CRY1: variants seen among roughly 807,000 people sequenced by gnomAD.
The protein encoded by CRY1 is cryptochrome circadian regulator 1.
A neutral mutation model predicts 76.0 loss-of-function variants in CRY1; 45 were observed. The observed-to-expected ratio is 0.59, with a 90% CI of 0.47 to 0.76. The LOEUF (loss-of-function observed/expected upper bound fraction) is 0.76. Among genes scored for constraint, CRY1 ranks in the 30% least tolerant of loss-of-function variants. CRY1 has a pLI of 0.00. For synonymous variants in CRY1, 248 were observed against 244.0 expected, an observed-to-expected ratio of 1.02 and a Z score of -0.15; for missense variants, 587 against 716.4, an observed-to-expected ratio of 0.82 and a Z score of 2.06.
At chr12:107,070,764 G>A (rs1196150137) in intron 1 of CRY1, among the ~76,000 whole-genome samples, 2 of 150,846 alleles carry the variant, frequency 1.3e-5, no homozygotes, top group Non-Finnish European at 2.9e-5. Context: ...GTAGTGGCGC[G>A]ACCTTGGCTC....
At chr12:107,019,806 A>C (rs1032972220) in intron 2 of CRY1, among the ~76,000 whole-genome samples, 1 of 152,018 alleles carries the variant, frequency 6.6e-6, no homozygotes, top group Admixed American at 6.6e-5. Context: ...CTGCAGTCTT[A>C]GCTACTCGAT....
chr12:107,068,774 C>T (rs767346944), intron 1 of CRY1, among the ~76,000 whole-genome samples: 5 of 152,144 alleles, frequency 3.3e-5, no homozygotes, highest in Non-Finnish European at 1.5e-5. Context: ...CCCGAGCTAC[C>T]ACTAATTTGC....
At chr12:107,013,969 C>T (rs1952471562) in intron 2 of CRY1, among the ~76,000 whole-genome samples, 1 of 152,070 alleles carries the variant, frequency 6.6e-6, no homozygotes, top group Non-Finnish European at 1.5e-5. Flanking sequence ...TTGGATGGTA[C>T]TGCTCTAAGG....
intron 1 of CRY1, among the ~76,000 whole-genome samples, chr12:107,081,600 C>G (rs1431546857): frequency 7.2e-5 from 11 of 152,062 alleles, no homozygotes; most frequent in Admixed American, 7.2e-4. Flanking sequence ...ATCAATAATA[C>G]TGCCTATAAT....
chr12:107,014,455 C>T (rs773014239), intron 2 of CRY1, among the ~76,000 whole-genome samples: 30 of 152,136 alleles, frequency 2.0e-4, no homozygotes, highest in Non-Finnish European at 3.7e-4. Context: ...CCTGCTGTGA[C>T]ACAGTATCAC....
At position 107,079,479 on chromosome 12, in the gene CRY1, A is replaced by C. The variant is rs147880155; in HGVS notation, c.158+13325T>G. ...GTCCAAAGCCAGTTTCCCTTAGGTTATTCAATTACATCTACCAATAAACTT... is the reference window on the plus strand; with the variant it reads ...GTCCAAAGCCAGTTTCCCTTAGGTTCTTCAATTACATCTACCAATAAACTT... On this transcript the variant is annotated intron_variant, in intron 1 of 12. Transcript: ENST00000008527. Among the ~76,000 whole-genome samples, 302 of 152,256 alleles carry C rather than the reference A, an allele frequency of 2.0e-3. 1 individual carries two copies. Among genetic ancestry groups the C allele is most frequent in the African/African-American group, 6.6e-3 (276 of 41,562 alleles).
intron 1 of CRY1, among the ~76,000 whole-genome samples, chr12:107,036,838 T>G (rs935068185): frequency 3.9e-5 from 6 of 152,122 alleles, no homozygotes; most frequent in Non-Finnish European, 5.9e-5. Context: ...TCTCTTTCTT[T>G]AGGTCATTGC....
chr12:107,009,603 A>ATAT (rs1566245681), intron 2 of CRY1, among the ~76,000 whole-genome samples: 160 of 7,754 alleles, frequency 0.021, 2 homozygotes, highest in African/African-American at 0.043. Context: ...TATATATATA[A>ATAT]AATCTCTATA....
chr12:106,993,602 A>G (rs1188630380), intron 10 of CRY1, among the ~76,000 whole-genome samples: 2 of 152,018 alleles, frequency 1.3e-5, no homozygotes, highest in African/African-American at 2.4e-5. Context: ...CATTTCTGTC[A>G]GTGTGTCCAG....
chr12:107,045,077 C>A (rs1030203764), intron 1 of CRY1, among the ~76,000 whole-genome samples: 4 of 152,012 alleles, frequency 2.6e-5, no homozygotes, highest in African/African-American at 9.7e-5. Flanking sequence ...ACATTACAGT[C>A]AAATTGTCAA....
At chr12:107,024,087 T>A (rs530679378) in intron 1 of CRY1, among the ~76,000 whole-genome samples, 47 of 152,272 alleles carry the variant, frequency 3.1e-4, no homozygotes, top group African/African-American at 9.1e-4. Context: ...TTTTCTTAAA[T>A]TGAAACAGTA....
chr12:107,002,545 C>G (rs1952323915), intron 3 of CRY1, among the ~76,000 whole-genome samples: 1 of 152,152 alleles, frequency 6.6e-6, no homozygotes, highest in Admixed American at 6.5e-5. Flanking sequence ...CAGCTAAAAT[C>G]TACTTATTTG....
At chr12:107,073,243 CT>C (rs572589570) in intron 1 of CRY1, among the ~76,000 whole-genome samples, 12 of 147,946 alleles carry the variant, frequency 8.1e-5, no homozygotes, top group Admixed American at 1.4e-4. Flanking sequence ...CTCTCTCTCT[CT>C]TTTTTTTTTG....
At chr12:107,078,729 C>T (rs1953287678) in intron 1 of CRY1, among the ~76,000 whole-genome samples, 1 of 152,158 alleles carries the variant, frequency 6.6e-6, no homozygotes, top group Non-Finnish European at 1.5e-5. Flanking sequence ...TAAACTCACT[C>T]TTTTCCTCAC....
chr12:106,997,395 CA>C lies in CRY1; in HGVS notation c.1493-10del, dbSNP rs745603259. ...TACTGATGCCAGAAGACCTAAAGGA[CA>C]AAAAAATTTTCTTTTAAATTATGAT... On this transcript the variant is annotated splice_polypyrimidine_tract_variant and intron_variant, in intron 9 of 12. Transcript: ENST00000008527. The C allele has an allele frequency of 2.1e-5, 34 of 1,612,142 alleles. No individual in the cohort carries two copies. The East Asian group carries it at 7.4e-4, about 35-fold the overall frequency.
At chr12:107,045,888 A>T (rs1448681171) in intron 1 of CRY1, among the ~76,000 whole-genome samples, 1 of 152,136 alleles carries the variant, frequency 6.6e-6, no homozygotes, top group Non-Finnish European at 1.5e-5. Context: ...GCAGCACACC[A>T]ACATGGCACA....
chr12:107,036,585 GTTTTT>G (rs61321189), intron 1 of CRY1, among the ~76,000 whole-genome samples: 1 of 139,044 alleles, frequency 7.2e-6, no homozygotes, highest in African/African-American at 2.7e-5. Context: ...AAAGTTGGTG[GTTTTT>G]TTTTTTTTTT....
At chr12:106,992,486 T>TA (rs1257405952) in intron 12 of CRY1, 1 of 239,044 alleles carries the variant, frequency 4.2e-6, no homozygotes, top group Non-Finnish European at 8.3e-6. Flanking sequence ...GACTCATAGT[T>TA]ACATAGTAAG....
At chr12:107,046,420 AACTT>A (rs1436017259) in intron 1 of CRY1, among the ~76,000 whole-genome samples, 1 of 152,162 alleles carries the variant, frequency 6.6e-6, no homozygotes, top group Non-Finnish European at 1.5e-5. Flanking sequence ...AAAGAATAAA[AACTT>A]ACAACTACAG....
Sources: allele counts gnomAD v4.1 joint callset (sites outside exome capture counted in the v4.1 genomes callset), GRCh38; gene constraint gnomAD v4.1.1; transcripts MANE v1.5; gene names NCBI Gene and HGNC (gene_info 2026-07-23, HGNC 2026-07-21).